CDKN2D: variants seen among roughly 807,000 people sequenced by gnomAD.
CDKN2D encodes the protein cyclin dependent kinase inhibitor 2D, also known as cyclin-dependent kinase 4 inhibitor D.
In CDKN2D, 3 loss-of-function variants were observed where a neutral mutation model predicts 4.7. The ratio of observed to expected loss-of-function variants is 0.64; its 90% CI spans 0.29 to 1.66. The LOEUF is 1.66. Ranked by LOEUF, CDKN2D falls within the 40% of genes most tolerant of loss-of-function variation. The pLI is 0.10. For synonymous variants in CDKN2D, 91 were observed against 102.3 expected, an observed-to-expected ratio of 0.89 and a Z score of 0.67; for missense variants, 196 against 230.9, an observed-to-expected ratio of 0.85 and a Z score of 0.98.
In CDKN2D at chr19:10,567,207, C is replaced by G. The variant is rs374656536; in HGVS notation, c.352G>C (p.Gly118Arg). The G allele has an allele frequency of 4.3e-6, 7 of 1,614,024 alleles. No homozygotes were observed. The highest frequency in any genetic ancestry group is 1.7e-6 in the Non-Finnish European group (2 of 1,180,020). Residue 118 changes from glycine (G) to arginine (R), a missense_variant, in exon 2 of 2, where the codon GGT becomes CGT. Physicochemically the swap from Gly to Arg is moderately radical, Grantham distance 125 (BLOSUM62 -2). Coordinates refer to ENST00000393599, the MANE Select transcript of CDKN2D (RefSeq NM_001800.4). ...AGAAAGCTGACCACAGCAGTGTGAC[C>G]CTCTTGAACTGCCAGATGGATTGGA... ...ALPIHLAVQEGHTAVVSFLAA... is the reference protein window; with the variant it reads ...ALPIHLAVQERHTAVVSFLAA...
In CDKN2D at chr19:10,568,724, G is replaced by T. The variant is rs1281127893; in HGVS notation, c.-71C>A. On this transcript the variant is annotated 5_prime_UTR_variant, in exon 1 of 2. Coordinates refer to ENST00000393599, the MANE Select transcript of CDKN2D (RefSeq NM_001800.4). Reference sequence around the variant, plus strand: ...GCGCTGTCAGCGCGGAGCAGCCGGCGGGCGCTGGCCCGAACAGCCCTCCCG... The same window carrying T: ...GCGCTGTCAGCGCGGAGCAGCCGGCTGGCGCTGGCCCGAACAGCCCTCCCG... The T allele has an allele frequency of 3.3e-6, 4 of 1,204,248 alleles. No individual in the cohort carries two copies. Among genetic ancestry groups the T allele is most frequent in the Non-Finnish European group, 4.2e-6 (4 of 949,588 alleles). 74.6% of individuals were successfully genotyped at this position (1,204,248 alleles called of 1,614,324 possible). A position where few individuals can be genotyped will look rare whatever the true frequency, so the allele number is the denominator to read the frequency against.
rs764154806 is a variant in CDKN2D at position 10,567,339 on chromosome 19, C to T, written c.220G>A (p.Gly74Ser). 5.5e-5 allele frequency: 89 copies of T among 1,614,004 alleles called. No individual in the cohort carries two copies. Among genetic ancestry groups the T allele is most frequent in the Non-Finnish European group, 6.5e-5 (77 of 1,180,018 alleles). ...GASPNVQDTS[G>S]TSPVHDAART... Reference sequence around the variant, plus strand: ...GCTGCGTCATGGACTGGACTGGTACCGGAGGTGTCCTGGACATTGGGGCTG... The same window carrying T: ...GCTGCGTCATGGACTGGACTGGTACTGGAGGTGTCCTGGACATTGGGGCTG... Residue 74 changes from glycine (G) to serine (S), a missense_variant, in exon 2 of 2, where the codon GGT becomes AGT. Physicochemically the swap from Gly to Ser is moderately conservative, Grantham distance 56. Coordinates refer to ENST00000393599, the MANE Select transcript of CDKN2D (RefSeq NM_001800.4).
Position 10,566,902 on chromosome 19 carries a change from C to T in CDKN2D, c.*156G>A, listed in dbSNP as rs1916911360. ...AAACAAATGAGAAACGTCCCCCAAACACTCACACCCCCAAAACCAACACCT... is the reference window on the plus strand; with the variant it reads ...AAACAAATGAGAAACGTCCCCCAAATACTCACACCCCCAAAACCAACACCT... On this transcript the variant is annotated 3_prime_UTR_variant, in exon 2 of 2. Coordinates refer to ENST00000393599, the MANE Select transcript of CDKN2D (RefSeq NM_001800.4). 1.3e-5 allele frequency: 9 copies of T among 708,122 alleles called. No homozygotes were observed. Among genetic ancestry groups the T allele is most frequent in the Non-Finnish European group, 2.1e-5 (9 of 429,734 alleles). 43.9% of individuals were successfully genotyped at this position (708,122 alleles called of 1,614,324 possible). A position where few individuals can be genotyped will look rare whatever the true frequency, so the allele number is the denominator to read the frequency against.
rs1170118727 is a variant in CDKN2D at position 10,568,613 on chromosome 19, C to A, written c.41G>T (p.Gly14Val). 6.6e-7 allele frequency: 1 copy of A among 1,511,222 alleles called. No homozygotes were observed. Among genetic ancestry groups the A allele is most frequent in the Admixed American group, 2.0e-5 (1 of 49,424 alleles). 93.6% of individuals were successfully genotyped at this position (1,511,222 alleles called of 1,614,324 possible). Residue 14 changes from glycine to valine, a missense_variant, in exon 1 of 2, where the codon GGG (glycine) becomes GTG (valine). Physicochemically the swap from Gly to Val is moderately radical, Grantham distance 109. Coordinates refer to ENST00000393599, the MANE Select transcript of CDKN2D (RefSeq NM_001800.4). ...EEVRAGDRLS[G>V]AAARGDVQEV... ...CTGCACGTCGCCCCGGGCCGCCGCC[C>A]CACTCAGCCGGTCGCCGGCGCGAAC...
rs1178742855 is a variant in CDKN2D at position 10,568,560 on chromosome 19, G to A, written c.94C>T (p.Leu32=). The part of the protein sequence containing the change: ...QEVRRLLHRE[L]VHPDALNRFG... ...CGGTTGAGGGCGTCGGGATGCACCA[G>A]CTCCCGGTGCAGAAGGCGGCGCACC... Residue 32 remains leucine (L), a synonymous_variant, in exon 1 of 2, where the codon CTG becomes TTG. Transcript: ENST00000393599. 1 of 1,501,384 alleles carries A rather than the reference G, an allele frequency of 6.7e-7. No individual in the cohort carries two copies. The highest frequency in any genetic ancestry group is 8.9e-7 in the Non-Finnish European group (1 of 1,128,394). The allele number at this position is 1,501,384 out of a possible 1,614,324, so 93.0% of individuals were successfully genotyped here.
Position 10,566,944 on chromosome 19 carries a change from G to T in CDKN2D, c.*114C>A. 3 of 1,110,138 alleles carry T rather than the reference G, an allele frequency of 2.7e-6. No individual in the cohort carries two copies. The highest frequency in any genetic ancestry group is 3.8e-6 in the Non-Finnish European group (3 of 779,930). The allele number at this position is 1,110,138 out of a possible 1,614,324, so 68.8% of individuals were successfully genotyped here. On this transcript the variant is annotated 3_prime_UTR_variant, in exon 2 of 2. Transcript: ENST00000393599. ...CCAACACCTATAAGCCACAAACTGTGCTCCTCCCCTACTGCAGCAGTGGGC... is the reference window on the plus strand; with the variant it reads ...CCAACACCTATAAGCCACAAACTGTTCTCCTCCCCTACTGCAGCAGTGGGC...
intron 1 of CDKN2D, 130 bp from the exon 2 acceptor site, chr19:10,567,547 T>C (rs1916935246): frequency 3.7e-6 from 4 of 1,092,468 alleles, no homozygotes; most frequent in Non-Finnish European, 3.9e-6. Context: ...AGGGGTCCTC[T>C]AGTGAACGGA....
rs780963042 is a variant in CDKN2D, at chr19:10,568,677, C to A, written c.-24G>T. 3 of 1,381,102 alleles carry A rather than the reference C, an allele frequency of 2.2e-6. No homozygotes were observed. Among genetic ancestry groups the A allele is most frequent in the East Asian group, 2.9e-5 (1 of 34,026 alleles). The allele number at this position is 1,381,102 out of a possible 1,614,324, so 85.6% of individuals were successfully genotyped here. A position where few individuals can be genotyped will look rare whatever the true frequency, so the allele number is the denominator to read the frequency against. On this transcript the variant is annotated 5_prime_UTR_variant, in exon 1 of 2. Transcript: ENST00000393599. Reference sequence around the variant, plus strand: ...ATGTCGACACTGGCGGCCTGCAAAGCCCCCCGCCCCGCCCCAGCCCGGCGC... The same window carrying A: ...ATGTCGACACTGGCGGCCTGCAAAGACCCCCGCCCCGCCCCAGCCCGGCGC...
Position 10,568,572 on chromosome 19 carries a change from G to T in CDKN2D, c.82C>A (p.Leu28Met). ...RGDVQEVRRL[L>M]HRELVHPDAL... Reference sequence around the variant, plus strand: ...TCGGGATGCACCAGCTCCCGGTGCAGAAGGCGGCGCACCTCCTGCACGTCG... The same window carrying T: ...TCGGGATGCACCAGCTCCCGGTGCATAAGGCGGCGCACCTCCTGCACGTCG... The change falls in exon 1 of 2, where the codon CTG becomes ATG. Residue 28 changes from leucine to methionine, a missense_variant. Coordinates refer to ENST00000393599, the MANE Select transcript of CDKN2D (RefSeq NM_001800.4). The T allele has an allele frequency of 6.7e-7, 1 of 1,501,880 alleles. No individual in the cohort carries two copies. The allele number at this position is 1,501,880 out of a possible 1,614,324, so 93.0% of individuals were successfully genotyped here. A position where few individuals can be genotyped will look rare whatever the true frequency, so the allele number is the denominator to read the frequency against.
intron 1 of CDKN2D, 85 bp from the exon 2 acceptor site, chr19:10,567,502 A>G: frequency 6.9e-7 from 1 of 1,445,728 alleles, no homozygotes; most frequent in Non-Finnish European, 9.3e-7. Context: ...GTCATCCAGA[A>G]AGAGGCATCT....
intron 1 of CDKN2D, among the ~76,000 whole-genome samples, chr19:10,567,666 G>A (rs1425547760): frequency 8.5e-6 from 1 of 117,524 alleles, no homozygotes; most frequent in Non-Finnish European, 1.6e-5. Flanking sequence ...AGCCCCCCAT[G>A]GAAACTTTCA....
intron 1 of CDKN2D, 47 bp downstream of exon 1, chr19:10,568,466 C>A: frequency 7.6e-7 from 1 of 1,321,682 alleles, no homozygotes; most frequent in African/African-American, 1.5e-5. Context: ...TCTCGATCCT[C>A]ATCCCGCTTA....
Position 10,568,749 on chromosome 19 carries a change from G to C in CDKN2D, c.-96C>G, listed in dbSNP as rs1021925476. 45 of 898,050 alleles carry C rather than the reference G, an allele frequency of 5.0e-5. No individual in the cohort carries two copies. The highest frequency in any genetic ancestry group is 5.9e-5 in the Non-Finnish European group (41 of 689,650). The allele number at this position is 898,050 out of a possible 1,614,324, so 55.6% of individuals were successfully genotyped here. The stretch of plus-strand genomic sequence containing the variant: ...GGGCGCTGGCCCGAACAGCCCTCCC[G>C]GGGCGCGGCCGCGGTGCACCCGGCT... On this transcript the variant is annotated 5_prime_UTR_variant, in exon 1 of 2. Transcript: ENST00000393599.
Position 10,568,747 on chromosome 19 carries a change from C to G in CDKN2D, c.-94G>C, listed in dbSNP as rs1354356624. The G allele has an allele frequency of 1.1e-6, 1 of 932,944 alleles. No homozygotes were observed. Among genetic ancestry groups the G allele is most frequent in the African/African-American group, 1.7e-5 (1 of 57,996 alleles). 57.8% of individuals were successfully genotyped at this position (932,944 alleles called of 1,614,324 possible). On this transcript the variant is annotated 5_prime_UTR_variant, in exon 1 of 2. Transcript: ENST00000393599. ...GCGGGCGCTGGCCCGAACAGCCCTC[C>G]CGGGGCGCGGCCGCGGTGCACCCGG...
chr19:10,568,327 C>G (rs978949886), intron 1 of CDKN2D, among the ~76,000 whole-genome samples, 186 bp downstream of exon 1: 1 of 152,192 alleles, frequency 6.6e-6, no homozygotes, highest in South Asian at 2.1e-4. Flanking sequence ...CCCCTCCCCC[C>G]ACAACCTAGC....
In CDKN2D at chr19:10,567,983, T is replaced by C. The variant is rs971579293; in HGVS notation, c.141+530A>G. Among the ~76,000 whole-genome samples, 92 of 152,024 alleles carry C rather than the reference T, an allele frequency of 6.1e-4. 2 individuals carry two copies. The stretch of plus-strand genomic sequence containing the variant: ...CCTGTAAAATGTCTCCCAGGGAATA[T>C]AGGGATGTCTTGCAATCTGACATTG... On this transcript the variant is annotated intron_variant, in intron 1 of 1. Coordinates refer to ENST00000393599, the MANE Select transcript of CDKN2D (RefSeq NM_001800.4).
chr19:10,566,928 A>C lies in CDKN2D; in HGVS notation c.*130T>G. 1 of 966,234 alleles carries C rather than the reference A, an allele frequency of 1.0e-6. No homozygotes were observed. The highest frequency in any genetic ancestry group is 1.5e-6 in the Non-Finnish European group (1 of 652,552). 59.9% of individuals were successfully genotyped at this position (966,234 alleles called of 1,614,324 possible). A position where few individuals can be genotyped will look rare whatever the true frequency, so the allele number is the denominator to read the frequency against. The stretch of plus-strand genomic sequence containing the variant: ...ACTCACACCCCCAAAACCAACACCT[A>C]TAAGCCACAAACTGTGCTCCTCCCC... On this transcript the variant is annotated 3_prime_UTR_variant, in exon 2 of 2. Transcript: ENST00000393599.
chr19:10,568,440 G>A, intron 1 of CDKN2D, 73 bp downstream of exon 1: 6 of 1,258,822 alleles, frequency 4.8e-6, no homozygotes, highest in Non-Finnish European at 6.1e-6. Context: ...CAGGAGACCA[G>A]AGAGGAGCTC....
chr19:10,567,313 G>A lies in CDKN2D; in HGVS notation c.246C>T (p.Ala82=), dbSNP rs762310633. The A allele has an allele frequency of 2.0e-5, 32 of 1,614,040 alleles. No homozygotes were observed. The East Asian group carries it at 6.9e-4, about 35-fold the overall frequency. Residue 82 remains alanine (A), a synonymous_variant, in exon 2 of 2, where the codon GCC becomes GCT. Coordinates refer to ENST00000393599, the MANE Select transcript of CDKN2D (RefSeq NM_001800.4). Reference sequence around the variant, plus strand: ...TCAGGGTGTCCAGGAATCCAGTGCGGGCTGCGTCATGGACTGGACTGGTAC... The same window carrying A: ...TCAGGGTGTCCAGGAATCCAGTGCGAGCTGCGTCATGGACTGGACTGGTAC... ...TSGTSPVHDA[A]RTGFLDTLKV...
Sources: allele counts gnomAD v4.1 joint callset (sites outside exome capture counted in the v4.1 genomes callset), GRCh38; gene constraint gnomAD v4.1.1; transcripts MANE v1.5; gene names NCBI Gene and HGNC (gene_info 2026-07-23, HGNC 2026-07-21).